SLCO4C1: variants seen among roughly 807,000 people sequenced by gnomAD.
SLCO4C1 encodes solute carrier organic anion transporter family member 4C1, also known as organic anion transporter M1.
In SLCO4C1, 58 loss-of-function variants were observed where a neutral mutation model predicts 72.1. The observed-to-expected ratio is 0.80, with a 90% CI of 0.65 to 1.00. The LOEUF (loss-of-function observed/expected upper bound fraction) is 1.00. SLCO4C1 is among the 50% of genes least tolerant of loss of function. The probability of loss-of-function intolerance (pLI) is 0.00; values close to 1 mark genes in which losing one functional copy is unlikely to be tolerated. For synonymous variants in SLCO4C1, 297 were observed against 312.5 expected (o/e 0.95, Z 0.52); for missense variants, 898 against 857.9 (o/e 1.05, Z -0.58).
intron 2 of SLCO4C1, among the ~76,000 whole-genome samples, chr5:102,289,344 A>G (rs1749513130): frequency 6.6e-6 from 1 of 152,202 alleles, no homozygotes; most frequent in African/African-American, 2.4e-5. Flanking sequence ...CCAGGTATAA[A>G]TGGCAAGAGA....
At position 102,257,128 on chromosome 5, in the gene SLCO4C1, C is replaced by G; in HGVS notation, c.1456G>C (p.Glu486Gln). 6.3e-7 allele frequency: 1 copy of G among 1,585,616 alleles called. No homozygotes were observed. Among genetic ancestry groups the G allele is most frequent in the Non-Finnish European group, 8.6e-7 (1 of 1,168,528 alleles). Residue 486 changes from glutamate to glutamine, a missense_variant, in exon 8 of 13, where the codon GAA (glutamate) becomes CAA (glutamine). By Grantham distance (29) the Glu-to-Gln change is conservative. Coordinates refer to ENST00000310954, the MANE Select transcript of SLCO4C1 (RefSeq NM_180991.5). ...CENEPFAGVS[E>Q]SYNGTGELGN... The stretch of plus-strand genomic sequence containing the variant: ...AATTGTATTTACCCATTATATGATT[C>G]AGATACACCAGCAAATGGCTCATTT...
chr5:102,266,381 G>A (rs1561374317), intron 3 of SLCO4C1, among the ~76,000 whole-genome samples: 1 of 152,190 alleles, frequency 6.6e-6, no homozygotes, highest in African/African-American at 2.4e-5. Flanking sequence ...CAGGCCTGGT[G>A]TCTCACACCT....
intron 1 of SLCO4C1, among the ~76,000 whole-genome samples, chr5:102,294,672 G>C (rs17148880): frequency 0.071 from 10,863 of 152,172 alleles, 457 homozygotes; most frequent in African/African-American, 0.1. Context: ...CTTTGGTAGG[G>C]ACAAGAAAAG....
Position 102,234,171 on chromosome 5 carries a change from A to T in SLCO4C1, c.*2687T>A, listed in dbSNP as rs551219305. 7 of 152,688 alleles carry T rather than the reference A, an allele frequency of 4.6e-5. No individual in the cohort carries two copies. The East Asian group carries it at 1.3e-3, about 29-fold the overall frequency. 9.5% of individuals were successfully genotyped at this position (152,688 alleles called of 1,614,324 possible). A position where few individuals can be genotyped will look rare whatever the true frequency, so the allele number is the denominator to read the frequency against. On this transcript the variant is annotated 3_prime_UTR_variant, in exon 13 of 13. Transcript: ENST00000310954. ...ATTTGTATTTTCTACAATTAAGTAA[A>T]TCTAAATGTTAAATTTTAACACATA...
chr5:102,259,260 TAG>T (rs1427248261), intron 6 of SLCO4C1, among the ~76,000 whole-genome samples: 1 of 151,840 alleles, frequency 6.6e-6, no homozygotes, highest in African/African-American at 2.4e-5. Context: ...GAAATCAGAA[TAG>T]AGAGATCTCT....
At chr5:102,253,570 G>T (rs1416977960) in intron 8 of SLCO4C1, among the ~76,000 whole-genome samples, 3 of 152,082 alleles carry the variant, frequency 2.0e-5, no homozygotes, top group Non-Finnish European at 4.4e-5. Flanking sequence ...ACTTTGGGAG[G>T]CCGAGGCGGG....
chr5:102,240,691 A>T (rs776521390), intron 11 of SLCO4C1, 27 bp downstream of exon 11: 6 of 1,586,636 alleles, frequency 3.8e-6, no homozygotes, highest in Middle Eastern at 1.7e-4. Flanking sequence ...GCCAACAGTT[A>T]GCAATGAATA....
chr5:102,246,313 A>G (rs1279611480), intron 10 of SLCO4C1, among the ~76,000 whole-genome samples: 5 of 152,166 alleles, frequency 3.3e-5, no homozygotes, highest in African/African-American at 1.2e-4. Flanking sequence ...AGAAATAAAA[A>G]GACACATTAC....
intron 3 of SLCO4C1, among the ~76,000 whole-genome samples, chr5:102,266,761 G>C (rs1254436826): frequency 6.6e-6 from 1 of 152,104 alleles, no homozygotes; most frequent in Non-Finnish European, 1.5e-5. Context: ...GTTAGCTGTG[G>C]GTTTTCCATA....
chr5:102,253,601 G>A (rs2112350844), intron 8 of SLCO4C1, among the ~76,000 whole-genome samples: 1 of 152,198 alleles, frequency 6.6e-6, no homozygotes, highest in African/African-American at 2.4e-5. Flanking sequence ...GAGGTCAGGA[G>A]TTCAAGATCA....
chr5:102,266,453 C>A (rs3096214), intron 3 of SLCO4C1, among the ~76,000 whole-genome samples: 52,518 of 151,874 alleles, frequency 0.35, 9,435 homozygotes, highest in East Asian at 0.54. Flanking sequence ...AGTTCGAGAC[C>A]AGTATGGCCA....
chr5:102,287,861 ATCATT>A (rs1164697994), intron 2 of SLCO4C1, among the ~76,000 whole-genome samples: 1 of 150,540 alleles, frequency 6.6e-6, no homozygotes, highest in Non-Finnish European at 1.5e-5. Context: ...GCCAGGTTTT[ATCATT>A]TCTAACATCC....
chr5:102,270,822 A>G lies in SLCO4C1; in HGVS notation c.620-16T>C. Reference sequence around the variant, plus strand: ...ACACAAGTGTCTTTGTGGAAAAAAAAATTGTGAATTTATAGAAATTCAGCT... The same window carrying G: ...ACACAAGTGTCTTTGTGGAAAAAAAGATTGTGAATTTATAGAAATTCAGCT... On this transcript the variant is annotated splice_polypyrimidine_tract_variant and intron_variant, in intron 2 of 12. Coordinates refer to ENST00000310954, the MANE Select transcript of SLCO4C1 (RefSeq NM_180991.5). 1 of 1,541,952 alleles carries G rather than the reference A, an allele frequency of 6.5e-7. No homozygotes were observed. The highest frequency in any genetic ancestry group is 8.7e-7 in the Non-Finnish European group (1 of 1,146,274).
intron 2 of SLCO4C1, among the ~76,000 whole-genome samples, chr5:102,282,651 T>C (rs1481638965): frequency 6.6e-6 from 1 of 152,046 alleles, no homozygotes; most frequent in Non-Finnish European, 1.5e-5. Flanking sequence ...CGTTCCTAGA[T>C]TAAAAATCTT....
chr5:102,277,340 A>G (rs1439367815), intron 2 of SLCO4C1, among the ~76,000 whole-genome samples: 1 of 152,062 alleles, frequency 6.6e-6, no homozygotes, highest in African/African-American at 2.4e-5. Context: ...ACCTCCATCA[A>G]GAGGTAATGA....
At chr5:102,277,085 AG>A (rs1749260336) in intron 2 of SLCO4C1, among the ~76,000 whole-genome samples, 2 of 152,260 alleles carry the variant, frequency 1.3e-5, no homozygotes, top group East Asian at 3.9e-4. Flanking sequence ...CAAATGCCAA[AG>A]GCTGCATACA....
chr5:102,241,968 G>C (rs566855690), intron 10 of SLCO4C1, among the ~76,000 whole-genome samples: 60 of 152,198 alleles, frequency 3.9e-4, no homozygotes, highest in Admixed American at 2.2e-3. Flanking sequence ...AAACAGTCCT[G>C]AATCTCAGAC....
At chr5:102,240,641 C>A in intron 11 of SLCO4C1, 77 bp downstream of exon 11, 2 of 1,176,034 alleles carry the variant, frequency 1.7e-6, no homozygotes, top group East Asian at 2.4e-5. Flanking sequence ...TTGCCACAGG[C>A]CATAAATTAA....
At chr5:102,292,183 T>G (rs962890702) in intron 1 of SLCO4C1, among the ~76,000 whole-genome samples, 4 of 152,208 alleles carry the variant, frequency 2.6e-5, no homozygotes, top group Non-Finnish European at 5.9e-5. Flanking sequence ...AGACTGATGC[T>G]TGCTACGTAC....
Sources: allele counts gnomAD v4.1 joint callset (sites outside exome capture counted in the v4.1 genomes callset), GRCh38; gene constraint gnomAD v4.1.1; transcripts MANE v1.5; gene names NCBI Gene and HGNC (gene_info 2026-07-23, HGNC 2026-07-21).